Variants in PLEKHA7 observed in about 807,000 individuals in gnomAD.
PLEKHA7 encodes pleckstrin homology domain-containing family A member 7.
A neutral mutation model predicts 170.0 loss-of-function variants in PLEKHA7; 104 were observed. The observed-to-expected ratio is 0.61, with a 90% CI of 0.52 to 0.72. PLEKHA7 has a LOEUF of 0.72. Ranked by LOEUF, PLEKHA7 falls within the 30% of genes least tolerant of loss-of-function variation. PLEKHA7 has a pLI of 0.00. For missense variants in PLEKHA7, 1,615 were observed against 1,671.7 expected, an observed-to-expected ratio of 0.97 and a Z score of 0.59; for synonymous variants, 648 against 660.8, an observed-to-expected ratio of 0.98 and a Z score of 0.30.
At chr11:16,846,232 T>C (rs453015) in intron 8 of PLEKHA7, among the ~76,000 whole-genome samples, 15,961 of 151,014 alleles carry the variant, frequency 0.11, 910 homozygotes, top group East Asian at 0.16. Flanking sequence ...TTGCAGTGAG[T>C]GGAGATCACG....
intron 8 of PLEKHA7, among the ~76,000 whole-genome samples, chr11:16,848,125 TGATA>T (rs1565006735): frequency 6.6e-6 from 1 of 152,190 alleles, no homozygotes; most frequent in Non-Finnish European, 1.5e-5. Context: ...GAGATGAATT[TGATA>T]GATATACAAA....
intron 3 of PLEKHA7, among the ~76,000 whole-genome samples, chr11:16,911,347 G>A (rs990843195): frequency 1.3e-5 from 2 of 152,094 alleles, no homozygotes; most frequent in Non-Finnish European, 2.9e-5. Flanking sequence ...GAAGCTAAGG[G>A]GCAGCTGCAA....
chr11:16,983,571 G>A (rs956022558), intron 3 of PLEKHA7, among the ~76,000 whole-genome samples: 3 of 152,136 alleles, frequency 2.0e-5, no homozygotes, highest in Admixed American at 1.3e-4. Flanking sequence ...GGCATTTCTC[G>A]TTTACTGGCA....
At chr11:17,004,614 A>G (rs184576915) in intron 3 of PLEKHA7, among the ~76,000 whole-genome samples, 22 of 152,112 alleles carry the variant, frequency 1.4e-4, no homozygotes, top group African/African-American at 4.6e-4. Flanking sequence ...GCTTGTCTTA[A>G]ACTTCTGACC....
At chr11:16,952,234 T>C (rs1189022753) in intron 3 of PLEKHA7, among the ~76,000 whole-genome samples, 9 of 152,222 alleles carry the variant, frequency 5.9e-5, no homozygotes, top group Admixed American at 5.9e-4. Flanking sequence ...AGAAGGACCA[T>C]GCAGGACTTT....
At position 16,887,904 on chromosome 11, in the gene PLEKHA7, G is replaced by A. The variant is rs185500248; in HGVS notation, c.222-16722C>T. On this transcript the variant is annotated intron_variant, in intron 3 of 26. Coordinates refer to ENST00000531066, the MANE Select transcript of PLEKHA7 (RefSeq NM_001329630.2). ...TCTGCCTGGCTGCCTAGTCTGGGAA[G>A]TGAGGAGTGCCTCTTCCCGGCTGCC... 3.8e-3 allele frequency among the ~76,000 whole-genome samples: 576 copies of A among 152,008 alleles called. 3 individuals are homozygous for A. The highest frequency in any genetic ancestry group is 0.013 in the African/African-American group (537 of 41,442).
At chr11:16,840,669 A>G (rs1851879650) in intron 9 of PLEKHA7, among the ~76,000 whole-genome samples, 1 of 152,208 alleles carries the variant, frequency 6.6e-6, no homozygotes, top group Non-Finnish European at 1.5e-5. Flanking sequence ...AAATGCTCAG[A>G]CTGAAGTGCT....
rs149871997 is a variant in PLEKHA7, at chr11:16,876,284, C to T, written c.222-5102G>A. Among the ~76,000 whole-genome samples the T allele has an allele frequency of 7.2e-3, 1,097 of 152,358 alleles. 33 individuals are homozygous for T. The highest frequency in any genetic ancestry group is 0.059 in the South Asian group (285 of 4,828). On this transcript the variant is annotated intron_variant, in intron 3 of 26. Transcript: ENST00000531066. The stretch of plus-strand genomic sequence containing the variant: ...GCTCTATGGTAGTATAGAGATGGCC[C>T]GGCTGAGAGCCAAGTGGCTGGTTTC...
chr11:16,817,948 C>T lies in PLEKHA7; in HGVS notation c.1344-626G>A, dbSNP rs550065449. 5.6e-4 allele frequency among the ~76,000 whole-genome samples: 86 copies of T among 152,266 alleles called. No individual in the cohort carries two copies. The highest frequency in any genetic ancestry group is 2.0e-3 in the African/African-American group (83 of 41,542). On this transcript the variant is annotated intron_variant, in intron 10 of 26. Transcript: ENST00000531066. This position sits in a 1 kb window ranked among gnomAD's most constrained non-coding sequence, Gnocchi z 4.4. ...ACTCCTCAGCCTGGTACTCACAGCT[C>T]GCTAGCAGCTGACCTCAACACCCAC...
chr11:16,830,170 G>A (rs1443387971), intron 9 of PLEKHA7, among the ~76,000 whole-genome samples: 3 of 151,284 alleles, frequency 2.0e-5, no homozygotes, highest in Non-Finnish European at 4.4e-5. Flanking sequence ...TTTTTGTAGA[G>A]ACAAGGTCTT....
At chr11:16,966,202 C>A (rs1862362465) in intron 3 of PLEKHA7, among the ~76,000 whole-genome samples, 1 of 151,902 alleles carries the variant, frequency 6.6e-6, no homozygotes, top group Non-Finnish European at 1.5e-5. Context: ...AACACATGCA[C>A]AAGACACAGG....
At chr11:16,975,576 G>T (rs1231953030) in intron 3 of PLEKHA7, among the ~76,000 whole-genome samples, 3 of 152,154 alleles carry the variant, frequency 2.0e-5, no homozygotes, top group Non-Finnish European at 4.4e-5. Flanking sequence ...TTTGCTATCT[G>T]TGGGGGCTCC....
chr11:16,786,954 C>T (rs1849440963), intron 23 of PLEKHA7: 2 of 985,188 alleles, frequency 2.0e-6, no homozygotes, highest in Non-Finnish European at 2.4e-6. Context: ...AGAAAAACTG[C>T]TGTATGAGAC....
intron 9 of PLEKHA7, among the ~76,000 whole-genome samples, chr11:16,833,724 C>T (rs545125758): frequency 1.7e-4 from 26 of 152,182 alleles, no homozygotes; most frequent in Non-Finnish European, 3.2e-4. Flanking sequence ...ACACGACTAC[C>T]GGATTACCTA....
Position 16,801,719 on chromosome 11 carries a change from C to G in PLEKHA7, c.2256G>C (p.Leu752Phe). 3 of 1,614,160 alleles carry G rather than the reference C, an allele frequency of 1.9e-6. No individual in the cohort carries two copies. Among genetic ancestry groups the G allele is most frequent in the Non-Finnish European group, 2.5e-6 (3 of 1,180,018 alleles). ...GGATATGGACAAGGTCCTCCTGCAG[C>G]AACTTCTGCTGGTAGGCAATCTTCT... ...HLEKIAYQQKLLQEDLVHIRA... is the reference protein window; with the variant it reads ...HLEKIAYQQKFLQEDLVHIRA... Residue 752 changes from leucine (L) to phenylalanine (F), a missense_variant, in exon 16 of 27, where the codon TTG becomes TTC. Physicochemically the swap from Leu to Phe is conservative, Grantham distance 22 (BLOSUM62 0). Transcript: ENST00000531066.
rs144129240 is a variant in PLEKHA7 at position 16,844,346 on chromosome 11, G to A, written c.697-2624C>T. ...CCCTGGTCACTAATCAAACCAGAAG[G>A]TGCTGTGCCCAGCTGCTCTTGACTC... On this transcript the variant is annotated intron_variant, in intron 8 of 26. Transcript: ENST00000531066. 3.2e-3 allele frequency among the ~76,000 whole-genome samples: 488 copies of A among 152,292 alleles called. 3 individuals carry two copies. The highest frequency in any genetic ancestry group is 0.017 in the Middle Eastern group (5 of 294).
At chr11:16,840,002 T>C (rs1221042142) in intron 9 of PLEKHA7, among the ~76,000 whole-genome samples, 1 of 152,110 alleles carries the variant, frequency 6.6e-6, no homozygotes, top group Non-Finnish European at 1.5e-5. Flanking sequence ...CCAACCACAC[T>C]GTGAGGTAAG....
At chr11:16,818,043 AGG>A (rs1849904823) in intron 10 of PLEKHA7, among the ~76,000 whole-genome samples, 1 of 151,842 alleles carries the variant, frequency 6.6e-6, no homozygotes, top group Non-Finnish European at 1.5e-5. Context: ...CCAAAACTGA[AGG>A]AAGTACTCCA....
chr11:16,832,967 T>C (rs985611781), intron 9 of PLEKHA7, among the ~76,000 whole-genome samples: 3 of 152,134 alleles, frequency 2.0e-5, no homozygotes, highest in African/African-American at 7.2e-5. Flanking sequence ...AATAGACTTG[T>C]ACAAAAGACT....
Sources: allele counts gnomAD v4.1 joint callset (sites outside exome capture counted in the v4.1 genomes callset), GRCh38; gene constraint gnomAD v4.1.1; non-coding constraint Gnocchi (gnomAD v3.1); transcripts MANE v1.5; gene names NCBI Gene and HGNC (gene_info 2026-07-23, HGNC 2026-07-21).